The following PCYOX1 variants were observed in gnomAD, a reference collection of about 807,000 sequenced individuals.
PCYOX1 encodes prenylcysteine oxidase 1.
In PCYOX1, 46 loss-of-function variants were observed where a neutral mutation model predicts 46.4. The ratio of observed to expected loss-of-function variants is 0.99; its 90% confidence interval spans 0.78 to 1.27. The LOEUF is 1.27. PCYOX1 is among the 50% of genes most tolerant of loss of function. The probability of loss-of-function intolerance (pLI) is 0.00; values close to 1 mark genes in which losing one functional copy is unlikely to be tolerated. For synonymous variants in PCYOX1, 220 were observed against 231.8 expected, an observed-to-expected ratio of 0.95 and a Z score of 0.46; for missense variants, 658 against 628.3, an observed-to-expected ratio of 1.05 and a Z score of -0.51.
Position 70,275,021 on chromosome 2 carries a change from T to C in PCYOX1, c.557T>C (p.Leu186Pro), listed in dbSNP as rs746657699. The change falls in exon 4 of 6, where the codon CTA (leucine) becomes CCA (proline). Residue 186 changes from leucine (L) to proline (P), a missense_variant. Physicochemically the swap from Leu to Pro is moderately conservative, Grantham distance 98. Coordinates refer to ENST00000433351, the MANE Select transcript of PCYOX1 (RefSeq NM_016297.4). ...FSSVEKLLHA[L>P]GGDDFLGMLN... is the part of the protein sequence containing the mutation. ...AGTGTCGAAAAATTACTTCATGCTC[T>C]AGGAGGAGATGACTTCCTTGGAATG... 3 of 1,613,588 alleles carry C rather than the reference T, an allele frequency of 1.9e-6. No homozygotes were observed. The highest frequency in any genetic ancestry group is 1.3e-5 in the African/African-American group (1 of 75,040).
rs556954371 is a variant in PCYOX1 at position 70,270,833 on chromosome 2, G to A, written c.495-4126G>A. Among the ~76,000 whole-genome samples, 17 of 151,936 alleles carry A rather than the reference G, an allele frequency of 1.1e-4. No homozygotes were observed. The South Asian group carries it at 2.5e-3, about 22-fold the overall frequency. The stretch of plus-strand genomic sequence containing the variant: ...TGCCCAGGCTGGAGTGCAGTGGCAC[G>A]ATCTTGGCTCTCCTCGGCTCACCTT... On this transcript the variant is annotated intron_variant, in intron 3 of 5. Transcript: ENST00000433351.
In PCYOX1 at chr2:70,277,419, A is replaced by G. The variant is rs1441928410; in HGVS notation, c.*27A>G. ...GTGACACACTCCTTTTTCCCCTCCTAGTTCCAAATGACTATCAGTGGCAAA... is the reference window on the plus strand; with the variant it reads ...GTGACACACTCCTTTTTCCCCTCCTGGTTCCAAATGACTATCAGTGGCAAA... On this transcript the variant is annotated 3_prime_UTR_variant, in exon 6 of 6. Coordinates refer to ENST00000433351, the MANE Select transcript of PCYOX1 (RefSeq NM_016297.4). 7 of 1,538,104 alleles carry G rather than the reference A, an allele frequency of 4.6e-6. No individual in the cohort carries two copies. The highest frequency in any genetic ancestry group is 8.8e-7 in the Non-Finnish European group (1 of 1,132,234).
chr2:70,276,829 C>T lies in PCYOX1; in HGVS notation c.955C>T (p.Arg319Ter), dbSNP rs375437915. The T allele has an allele frequency of 1.9e-5, 31 of 1,612,770 alleles. No homozygotes were observed. The highest frequency in any genetic ancestry group is 3.3e-5 in the South Asian group (3 of 91,030). Residue 319 changes from arginine (R) to a stop codon, truncating the protein, a stop_gained, in exon 6 of 6, where the codon CGA (arginine) becomes TGA (stop). Transcript: ENST00000433351. LOFTEE classifies it high-confidence loss of function. ...CGTCTTGGTGGCCACTCCGTTGAAT[C>T]GAAAAATGTCGAATATTACTTTTCT... Reference protein sequence around the residue: ...DIVLVATPLNRKMSNITFLNF... With the variant: ...DIVLVATPLN
intron 3 of PCYOX1, among the ~76,000 whole-genome samples, chr2:70,264,338 T>G (rs1488687218): frequency 6.6e-6 from 1 of 150,972 alleles, no homozygotes; most frequent in African/African-American, 2.4e-5. Flanking sequence ...AATTACTTTT[T>G]TTTTTTTGAG....
rs753511990 is a variant in PCYOX1 at position 70,276,751 on chromosome 2, T to G, written c.877T>G (p.Tyr293Asp). The change falls in exon 6 of 6, where the codon TAT becomes GAT. Residue 293 changes from tyrosine to aspartate, a missense_variant. Transcript: ENST00000433351. Reference sequence around the variant, plus strand: ...TCCTCTAGGAAATCCAACAAAGATGTATGAAGTGGTCTACCAAATTGGAAC... The same window carrying G: ...TCCTCTAGGAAATCCAACAAAGATGGATGAAGTGGTCTACCAAATTGGAAC... ...TKYTGNPTKM[Y>D]EVVYQIGTET... is the part of the protein sequence containing the mutation. The G allele has an allele frequency of 5.7e-6, 9 of 1,592,118 alleles. No individual in the cohort carries two copies. The highest frequency in any genetic ancestry group is 6.0e-6 in the Non-Finnish European group (7 of 1,168,990).
At chr2:70,270,665 T>A (rs891306468) in intron 3 of PCYOX1, among the ~76,000 whole-genome samples, 6 of 152,254 alleles carry the variant, frequency 3.9e-5, no homozygotes, top group Admixed American at 2.0e-4. Context: ...CTATATCATC[T>A]TCTCAGTGAG....
At chr2:70,270,477 C>T (rs956057315) in intron 3 of PCYOX1, among the ~76,000 whole-genome samples, 3 of 152,322 alleles carry the variant, frequency 2.0e-5, no homozygotes, top group African/African-American at 7.2e-5. Context: ...ACATTTCTGG[C>T]TGTACCACTC....
intron 3 of PCYOX1, among the ~76,000 whole-genome samples, chr2:70,262,940 T>G: frequency 6.6e-6 from 1 of 151,872 alleles, no homozygotes; most frequent in East Asian, 1.9e-4. Context: ...AGGACAAATA[T>G]GAGTTAAGCA....
At chr2:70,273,517 A>G (rs1696629991) in intron 3 of PCYOX1, among the ~76,000 whole-genome samples, 1 of 152,224 alleles carries the variant, frequency 6.6e-6, no homozygotes, top group Non-Finnish European at 1.5e-5. Context: ...GAAAAACTTG[A>G]TGTGAAAGTT....
In PCYOX1 at chr2:70,275,506, A is replaced by T. The variant is rs772782252; in HGVS notation, c.707-8A>T. 30 of 1,611,928 alleles carry T rather than the reference A, an allele frequency of 1.9e-5. No individual in the cohort carries two copies. Among genetic ancestry groups the T allele is most frequent in the Non-Finnish European group, 2.4e-5 (28 of 1,179,348 alleles). On this transcript the variant is annotated splice_region_variant and splice_polypyrimidine_tract_variant and intron_variant, in intron 4 of 5. Coordinates refer to ENST00000433351, the MANE Select transcript of PCYOX1 (RefSeq NM_016297.4). ...AGAATTAAAACACATTTTTCCTCCT[A>T]TTGACAGGGGCGGTGTCACTGTCCT...
rs72904344 is a variant in PCYOX1 at position 70,275,615 on chromosome 2, A to G, written c.808A>G (p.Ile270Val). Residue 270 changes from isoleucine (I) to valine (V), a missense_variant, in exon 5 of 6, where the codon ATA (isoleucine) becomes GTA (valine). By Grantham distance (29) the Ile-to-Val change is conservative. Coordinates refer to ENST00000433351, the MANE Select transcript of PCYOX1 (RefSeq NM_016297.4). Reference sequence around the variant, plus strand: ...TCTGCAGGCATCCAAAAGCAATCTTATATCTGGCTCAGTAATGTACATCGA... The same window carrying G: ...TCTGCAGGCATCCAAAAGCAATCTTGTATCTGGCTCAGTAATGTACATCGA... The part of the protein sequence containing the change: ...GLLQASKSNL[I>V]SGSVMYIEEK... 4.0e-4 allele frequency: 649 copies of G among 1,614,144 alleles called. 2 individuals are homozygous for G. In the African/African-American group the frequency reaches 7.9e-3, roughly 20 times the overall value.
At position 70,280,932 on chromosome 2, in the gene PCYOX1, T is replaced by C. The variant is rs990970831; in HGVS notation, c.*3540T>C. On this transcript the variant is annotated 3_prime_UTR_variant, in exon 6 of 6. Transcript: ENST00000433351. The stretch of plus-strand genomic sequence containing the variant: ...CACAAAAAAATCAGTCTTTAAGCAT[T>C]TGCTTGGTAAGGTTTCTTAAGATTA... The C allele has an allele frequency of 4.6e-5, 7 of 152,188 alleles. No homozygotes were observed. The highest frequency in any genetic ancestry group is 1.2e-4 in the African/African-American group (5 of 41,426). 9.4% of individuals were successfully genotyped at this position (152,188 alleles called of 1,614,324 possible). A position where few individuals can be genotyped will look rare whatever the true frequency, so the allele number is the denominator to read the frequency against.
chr2:70,273,045 GCTCT>G (rs1378226977), intron 3 of PCYOX1, among the ~76,000 whole-genome samples: 3 of 152,116 alleles, frequency 2.0e-5, no homozygotes, highest in African/African-American at 4.8e-5. Flanking sequence ...CAATTAGAGT[GCTCT>G]CTGTTTATAT....
rs1172929347 is a variant in PCYOX1 at position 70,280,540 on chromosome 2, AT to A, written c.*3152del. 1 of 152,224 alleles carries A rather than the reference AT, an allele frequency of 6.6e-6. No individual in the cohort carries two copies. The highest frequency in any genetic ancestry group is 1.5e-5 in the Non-Finnish European group (1 of 68,036). The allele number at this position is 152,224 out of a possible 1,614,324, so 9.4% of individuals were successfully genotyped here. ...TTTGTTATGGGATATAAGAAGATGC[AT>A]TTTATTAAGTTCCCCAGTGATGCTG... On this transcript the variant is annotated 3_prime_UTR_variant, in exon 6 of 6. Transcript: ENST00000433351.
intron 3 of PCYOX1, among the ~76,000 whole-genome samples, chr2:70,272,130 T>C (rs1311176179): frequency 6.6e-6 from 1 of 150,562 alleles, no homozygotes. Flanking sequence ...TTTTAATTTT[T>C]TTTTTTTTTT....
chr2:70,267,423 G>A (rs1696542357), intron 3 of PCYOX1, among the ~76,000 whole-genome samples: 1 of 152,116 alleles, frequency 6.6e-6, no homozygotes, highest in Admixed American at 6.5e-5. Flanking sequence ...AGCACTTTTG[G>A]GAGGTCAAGG....
intron 3 of PCYOX1, among the ~76,000 whole-genome samples, chr2:70,272,817 C>T (rs896259811): frequency 1.3e-5 from 2 of 152,028 alleles, no homozygotes; most frequent in South Asian, 2.1e-4. Flanking sequence ...CATGCCTCAG[C>T]CACCTGAGTA....
intron 3 of PCYOX1, among the ~76,000 whole-genome samples, chr2:70,271,989 G>GT: frequency 1.3e-5 from 2 of 152,250 alleles, no homozygotes; most frequent in African/African-American, 4.8e-5. Context: ...TTATTTTTTA[G>GT]TTTTTCTTTT....
At chr2:70,261,657 A>G (rs919688419) in intron 3 of PCYOX1, among the ~76,000 whole-genome samples, 1 of 152,172 alleles carries the variant, frequency 6.6e-6, no homozygotes, top group Non-Finnish European at 1.5e-5. Context: ...TCTTATGACA[A>G]CTTACTCTGG....
Sources: allele counts gnomAD v4.1 joint callset (sites outside exome capture counted in the v4.1 genomes callset), GRCh38; gene constraint gnomAD v4.1.1; transcripts MANE v1.5; gene names NCBI Gene and HGNC (gene_info 2026-07-23, HGNC 2026-07-21).